ZCWPW2: variants seen among roughly 807,000 people sequenced by gnomAD.
ZCWPW2 encodes zinc finger CW-type and PWWP domain containing 2, also known as zinc finger CW-type PWWP domain protein 2.
ZCWPW2 carries 45 observed loss-of-function variants against 46.6 expected under a neutral mutation model. The ratio of observed to expected loss-of-function variants is 0.96; its 90% confidence interval spans 0.76 to 1.24. The LOEUF is 1.24. Among genes scored for constraint, ZCWPW2 ranks in the 50% most tolerant of loss-of-function variants. The probability of loss-of-function intolerance (pLI) is 0.00; values close to 1 mark genes in which losing one functional copy is unlikely to be tolerated. For synonymous variants in ZCWPW2, 152 were observed against 137.1 expected, an observed-to-expected ratio of 1.11 and a Z score of -0.76; for missense variants, 429 against 403.9, an observed-to-expected ratio of 1.06 and a Z score of -0.53.
At chr3:28,441,653 G>A (rs1466541089) in intron 4 of ZCWPW2, among the ~76,000 whole-genome samples, 2 of 152,140 alleles carry the variant, frequency 1.3e-5, no homozygotes, top group East Asian at 3.9e-4. Flanking sequence ...GGGCATTTGA[G>A]CCACTTCCCC....
intron 1 of ZCWPW2, among the ~76,000 whole-genome samples, chr3:28,358,888 T>G (rs1317508953): frequency 1.3e-5 from 2 of 152,032 alleles, no homozygotes; most frequent in African/African-American, 4.8e-5. Context: ...TGTTTGAAAA[T>G]TGTTTTGTTT....
intron 9 of ZCWPW2, among the ~76,000 whole-genome samples, chr3:28,522,822 G>A (rs1215947557): frequency 2.6e-5 from 4 of 152,078 alleles, no homozygotes; most frequent in African/African-American, 4.8e-5. Flanking sequence ...AAGACCTGCA[G>A]ATTGGTATCA....
At chr3:28,364,400 A>C (rs376240216) in intron 1 of ZCWPW2, among the ~76,000 whole-genome samples, 5 of 152,082 alleles carry the variant, frequency 3.3e-5, no homozygotes, top group Admixed American at 6.6e-5. Flanking sequence ...TTTACATTGC[A>C]AATTGTGCTG....
At chr3:28,467,593 G>A (rs1048446383) in intron 4 of ZCWPW2, among the ~76,000 whole-genome samples, 1 of 152,106 alleles carries the variant, frequency 6.6e-6, no homozygotes, top group Non-Finnish European at 1.5e-5. Flanking sequence ...AGTGGTGGTG[G>A]CCACAAGGGT....
intron 4 of ZCWPW2, among the ~76,000 whole-genome samples, chr3:28,439,911 A>G (rs537937563): frequency 3.3e-4 from 50 of 152,344 alleles, no homozygotes; most frequent in African/African-American, 1.1e-3. Context: ...TGTAGCTGGT[A>G]TTGACAACTA....
intron 3 of ZCWPW2, among the ~76,000 whole-genome samples, chr3:28,430,408 A>G (rs779794053): frequency 4.6e-5 from 7 of 152,338 alleles, no homozygotes; most frequent in Admixed American, 1.3e-4. Context: ...TTGTACTCAC[A>G]TGGTATCTAA....
intron 4 of ZCWPW2, among the ~76,000 whole-genome samples, chr3:28,437,218 T>C (rs1364862883): frequency 6.6e-6 from 1 of 152,212 alleles, no homozygotes; most frequent in East Asian, 1.9e-4. Flanking sequence ...TCACTTTTTC[T>C]AAAACCAGAT....
intron 2 of ZCWPW2, chr3:28,398,042 T>G (rs1442548638): frequency 2.6e-5 from 4 of 152,230 alleles, no homozygotes; most frequent in African/African-American, 9.6e-5. Context: ...TGTAAGACAT[T>G]GTCAGTCTGG....
At chr3:28,459,794 T>A (rs1698558641) in intron 4 of ZCWPW2, among the ~76,000 whole-genome samples, 1 of 152,200 alleles carries the variant, frequency 6.6e-6, no homozygotes, top group Non-Finnish European at 1.5e-5. Flanking sequence ...TCCAAAAGGA[T>A]GTCACTCCAG....
At position 28,390,628 on chromosome 3, in the gene ZCWPW2, G is replaced by C; in HGVS notation, c.-14+11G>C. The C allele has an allele frequency of 1.0e-6, 1 of 985,342 alleles. No individual in the cohort carries two copies. Among genetic ancestry groups the C allele is most frequent in the Non-Finnish European group, 1.2e-6 (1 of 829,914 alleles). 61.0% of individuals were successfully genotyped at this position (985,342 alleles called of 1,614,324 possible). On this transcript the variant is annotated intron_variant, in intron 2 of 9. Transcript: ENST00000383768. ...GAAAAGTCTAACTCCGTAAGTACTT[G>C]AGAAACTCCAAAATGTTTTTCTCTA...
chr3:28,495,099 A>G (rs1699942721), intron 6 of ZCWPW2, among the ~76,000 whole-genome samples: 1 of 151,788 alleles, frequency 6.6e-6, no homozygotes, highest in Admixed American at 6.6e-5. Flanking sequence ...ATATGGAACC[A>G]AAAAAGAGCC....
chr3:28,396,247 T>A (rs1478344519), intron 2 of ZCWPW2, among the ~76,000 whole-genome samples: 2 of 152,100 alleles, frequency 1.3e-5, no homozygotes, highest in Non-Finnish European at 2.9e-5. Context: ...GTATGAAAAA[T>A]TATACTTCAT....
At chr3:28,510,654 G>C (rs1280530016) in intron 6 of ZCWPW2, among the ~76,000 whole-genome samples, 1 of 152,090 alleles carries the variant, frequency 6.6e-6, no homozygotes. Flanking sequence ...TTAGGAAAAT[G>C]CAAGTCATGT....
intron 6 of ZCWPW2, among the ~76,000 whole-genome samples, chr3:28,512,362 T>C (rs1194110143): frequency 1.3e-5 from 2 of 151,618 alleles, no homozygotes; most frequent in Non-Finnish European, 2.9e-5. Flanking sequence ...ATTTTTTATT[T>C]TTAGTAGAGA....
At chr3:28,486,077 C>G (rs1699591066) in intron 5 of ZCWPW2, among the ~76,000 whole-genome samples, 1 of 151,896 alleles carries the variant, frequency 6.6e-6, no homozygotes. Flanking sequence ...CTTAGCATAC[C>G]AATTATCAGT....
At chr3:28,364,681 A>G (rs562414890) in intron 1 of ZCWPW2, among the ~76,000 whole-genome samples, 30 of 152,056 alleles carry the variant, frequency 2.0e-4, no homozygotes, top group African/African-American at 6.5e-4. Flanking sequence ...TTTAGGGTAC[A>G]TGTGCACAAC....
At chr3:28,466,827 T>C (rs1698843316) in intron 4 of ZCWPW2, among the ~76,000 whole-genome samples, 1 of 151,858 alleles carries the variant, frequency 6.6e-6, no homozygotes, top group African/African-American at 2.4e-5. Flanking sequence ...AAATAAAACA[T>C]GAGTAAATGG....
intron 3 of ZCWPW2, among the ~76,000 whole-genome samples, chr3:28,420,552 CT>C (rs997781514): frequency 6.6e-6 from 1 of 150,500 alleles, no homozygotes; most frequent in African/African-American, 2.4e-5. Flanking sequence ...CACTTTCTCA[CT>C]TTTTTTTAGT....
chr3:28,479,190 C>G (rs1699341912), intron 5 of ZCWPW2, among the ~76,000 whole-genome samples: 1 of 152,100 alleles, frequency 6.6e-6, no homozygotes, highest in East Asian at 1.9e-4. Context: ...ATCTTCTTTA[C>G]CGTTAGACTG....
Sources: gnomAD v4.1 joint callset for allele counts (sites outside exome capture counted in the v4.1 genomes callset) on GRCh38, gnomAD v4.1.1 for gene constraint, MANE v1.5 for transcripts, NCBI Gene and HGNC (gene_info 2026-07-23, HGNC 2026-07-21) for gene names.